Variants in FARP1 observed in about 807,000 individuals in gnomAD.
FARP1 encodes FERM, ARHGEF and pleckstrin domain-containing protein 1.
FARP1 carries 52 observed loss-of-function variants against 128.8 expected under a neutral mutation model. The observed-to-expected ratio is 0.40, with a 90% confidence interval of 0.32 to 0.51. The LOEUF is 0.51. Ranked by LOEUF, FARP1 falls within the 20% of genes least tolerant of loss-of-function variation. The pLI is 0.45. For synonymous variants in FARP1, 580 were observed against 551.8 expected, an observed-to-expected ratio of 1.05 and a Z score of -0.72; for missense variants, 1,333 against 1,367.9, an observed-to-expected ratio of 0.97 and a Z score of 0.40.
intron 16 of FARP1, among the ~76,000 whole-genome samples, chr13:98,421,585 A>C (rs61659033): frequency 0.18 from 27,906 of 152,190 alleles, 2,719 homozygotes; most frequent in Middle Eastern, 0.26. Flanking sequence ...AGGCCAGGCA[A>C]TGTGGCTCAT....
At chr13:98,424,716 C>A in intron 17 of FARP1, 66 bp downstream of exon 17, 1 of 1,095,848 alleles carries the variant, frequency 9.1e-7, no homozygotes, top group Non-Finnish European at 1.4e-6. Context: ...CTGCCATGGG[C>A]ATAGGCTGTA....
intron 1 of FARP1, among the ~76,000 whole-genome samples, chr13:98,172,641 T>C (rs1013044943): frequency 6.6e-6 from 1 of 152,260 alleles, no homozygotes; most frequent in Non-Finnish European, 1.5e-5. Flanking sequence ...TTTTCATATT[T>C]ATTTTTTGGA....
At chr13:98,152,189 G>C (rs562971774) in intron 1 of FARP1, among the ~76,000 whole-genome samples, 1 of 152,080 alleles carries the variant, frequency 6.6e-6, no homozygotes, top group South Asian at 2.1e-4. Flanking sequence ...GCTGCCCCTC[G>C]GCATGTTGAT....
chr13:98,422,917 G>A (rs1309872889), intron 16 of FARP1, among the ~76,000 whole-genome samples: 4 of 152,178 alleles, frequency 2.6e-5, no homozygotes, highest in African/African-American at 9.7e-5. Flanking sequence ...ATGTATATAT[G>A]AGAGGAGTTT....
intron 2 of FARP1, among the ~76,000 whole-genome samples, chr13:98,256,806 C>T (rs552122906): frequency 3.5e-4 from 52 of 149,346 alleles, no homozygotes; most frequent in Non-Finnish European, 6.2e-4. Flanking sequence ...GTGATCCACC[C>T]GCCTCAGCCT....
intron 2 of FARP1, among the ~76,000 whole-genome samples, chr13:98,251,637 C>T (rs1268154822): frequency 6.7e-6 from 1 of 149,646 alleles, no homozygotes; most frequent in Non-Finnish European, 1.5e-5. Flanking sequence ...AAGCTGAGAT[C>T]ACGCCATTGC....
chr13:98,145,734 G>A (rs1422129595), intron 1 of FARP1, among the ~76,000 whole-genome samples: 1 of 93,212 alleles, frequency 1.1e-5, no homozygotes, highest in Non-Finnish European at 2.2e-5. Flanking sequence ...GTGGTAGCAG[G>A]TGCCTGTAAT....
chr13:98,244,805 G>T (rs1281199559), intron 2 of FARP1: 1 of 1,531,394 alleles, frequency 6.5e-7, no homozygotes, highest in African/African-American at 1.4e-5. Context: ...ACATTTCAGT[G>T]CCCAATAAGT....
chr13:98,227,003 C>T (rs1453293569), intron 2 of FARP1, among the ~76,000 whole-genome samples: 8 of 151,876 alleles, frequency 5.3e-5, no homozygotes, highest in South Asian at 2.1e-4. Flanking sequence ...TGCAGTGGCA[C>T]GATCTCGGCT....
intron 2 of FARP1, among the ~76,000 whole-genome samples, chr13:98,286,196 T>C (rs117049282): frequency 1.6e-4 from 24 of 152,268 alleles, no homozygotes; most frequent in Non-Finnish European, 2.9e-4. Flanking sequence ...AGTCACCAGA[T>C]CTTGTGATCC....
intron 3 of FARP1, 108 bp from the exon 4 acceptor site, chr13:98,365,287 A>C: frequency 1.2e-6 from 1 of 800,012 alleles, no homozygotes; most frequent in Non-Finnish European, 2.1e-6. Context: ...AGGCGGCCTC[A>C]TATCCTCAAA....
chr13:98,288,642 G>A (rs1885308987), intron 2 of FARP1, among the ~76,000 whole-genome samples: 1 of 152,168 alleles, frequency 6.6e-6, no homozygotes, highest in Non-Finnish European at 1.5e-5. Flanking sequence ...TATCCTTAGT[G>A]TCTGTCTTAA....
In FARP1 at chr13:98,450,185, C is replaced by CACAATGATGCAGAT. The variant is rs1350030077; in HGVS notation, c.*1871_*1884dup. 3.3e-5 allele frequency: 5 copies of CACAATGATGCAGAT among 151,912 alleles called. No homozygotes were observed. The highest frequency in any genetic ancestry group is 1.2e-4 in the African/African-American group (5 of 41,334). The allele number at this position is 151,912 out of a possible 1,614,324, so 9.4% of individuals were successfully genotyped here. A position where few individuals can be genotyped will look rare whatever the true frequency, so the allele number is the denominator to read the frequency against. ...TTTGAGACACACTACACATGAGACA[C>CACAATGATGCAGAT]ACAATGATGCAGATACTCGTTTTCT... On this transcript the variant is annotated 3_prime_UTR_variant, in exon 27 of 27. Coordinates refer to ENST00000319562, the MANE Select transcript of FARP1 (RefSeq NM_005766.4).
At chr13:98,174,840 A>G (rs987678186) in intron 1 of FARP1, among the ~76,000 whole-genome samples, 8 of 152,222 alleles carry the variant, frequency 5.3e-5, no homozygotes, top group African/African-American at 1.9e-4. Flanking sequence ...AAACTGAGGC[A>G]CAGAGAGGTA....
chr13:98,437,318 C>CA lies in FARP1; in HGVS notation c.2275-1485dup, dbSNP rs555202280. Among the ~76,000 whole-genome samples, 1,048 of 152,306 alleles carry CA rather than the reference C, an allele frequency of 6.9e-3. 15 individuals carry two copies. The highest frequency in any genetic ancestry group is 8.7e-3 in the Non-Finnish European group (590 of 68,032). ...AATAATGATACTGAAGGTGCAGGCT[C>CA]ACGTCTGGAGCTCCTGTAATCGCTC... On this transcript the variant is annotated intron_variant, in intron 19 of 26. Transcript: ENST00000319562.
At chr13:98,312,494 C>A (rs559782664) in intron 2 of FARP1, among the ~76,000 whole-genome samples, 1 of 152,216 alleles carries the variant, frequency 6.6e-6, no homozygotes, top group African/African-American at 2.4e-5. Context: ...CATGTTTGTG[C>A]TTCAAACTGT....
In FARP1 at chr13:98,431,072, C is replaced by CGAGGCCTTG; in HGVS notation, c.1942_1950dup (p.Ala650_Glu652dup). On this transcript the variant is annotated inframe_insertion, in exon 18 of 27. Transcript: ENST00000319562. ...TGGCGGCTCACCTGTGGAAGCACAGCGAGGCCTTGGAGGCCCTGGAGAATG... is the reference window on the plus strand; with the variant it reads ...TGGCGGCTCACCTGTGGAAGCACAGCGAGGCCTTGGAGGCCTTGGAGGCCCTGGAGAATG... The CGAGGCCTTG allele has an allele frequency of 1.2e-6, 2 of 1,613,958 alleles. No individual in the cohort carries two copies. Among genetic ancestry groups the CGAGGCCTTG allele is most frequent in the South Asian group, 2.2e-5 (2 of 91,050 alleles).
At chr13:98,423,673 G>A (rs768646409) in intron 16 of FARP1, among the ~76,000 whole-genome samples, 4 of 152,278 alleles carry the variant, frequency 2.6e-5, no homozygotes, top group South Asian at 2.1e-4. Context: ...AGAGAAGTTC[G>A]TGGTTTCTTC....
intron 2 of FARP1, among the ~76,000 whole-genome samples, chr13:98,316,801 T>A (rs1230203207): frequency 6.6e-6 from 1 of 152,214 alleles, no homozygotes; most frequent in Non-Finnish European, 1.5e-5. Flanking sequence ...GAACCAGAGA[T>A]AACACCAGGC....
Sources: gnomAD v4.1 joint callset for allele counts (sites outside exome capture counted in the v4.1 genomes callset) on GRCh38, gnomAD v4.1.1 for gene constraint, MANE v1.5 for transcripts, NCBI Gene and HGNC (gene_info 2026-07-23, HGNC 2026-07-21) for gene names.